The following ABCA10 variants were observed in gnomAD, a reference collection of about 807,000 sequenced individuals.
ABCA10 encodes ATP-binding cassette sub-family A member 10.
A neutral mutation model predicts 187.5 loss-of-function variants in ABCA10; 169 were observed. The ratio of observed to expected loss-of-function variants is 0.90; its 90% CI spans 0.80 to 1.02. The LOEUF is 1.02. ABCA10 is among the 50% of genes least tolerant of loss of function. The pLI is 0.00. For missense variants in ABCA10, 1,727 were observed against 1,812.4 expected, an observed-to-expected ratio of 0.95 and a Z score of 0.86; for synonymous variants, 574 against 601.8, an observed-to-expected ratio of 0.95 and a Z score of 0.68.
chr17:69,193,499 A>C lies in ABCA10; in HGVS notation c.1635T>G (p.Asp545Glu). The C allele has an allele frequency of 6.2e-7, 1 of 1,610,932 alleles. No individual in the cohort carries two copies. The highest frequency in any genetic ancestry group is 1.1e-5 in the South Asian group (1 of 89,992). The change falls in exon 14 of 39, where the codon GAT becomes GAG. Residue 545 changes from aspartate (D) to glutamate (E), a missense_variant. Physicochemically the swap from Asp to Glu is conservative, Grantham distance 45 (BLOSUM62 2). Transcript: ENST00000690296. ...KLTLGIAILG[D>E]PQVLLLDEPT... ...AATATATTTTTTCTCTCACCTGAGGATCTCCTAAGATGGCAATCCCTAGTG... is the reference window on the plus strand; with the variant it reads ...AATATATTTTTTCTCTCACCTGAGGCTCTCCTAAGATGGCAATCCCTAGTG...
At chr17:69,229,620 T>A (rs2074817585), upstream of ABCA10, among the ~76,000 whole-genome samples, 1 of 151,910 alleles carries the variant, frequency 6.6e-6, no homozygotes, top group Non-Finnish European at 1.5e-5. Flanking sequence ...GGTAAAGGAC[T>A]CAGAGACTCT....
chr17:69,216,191 G>A (rs1568072270), intron 7 of ABCA10, 26 bp downstream of exon 7: 1 of 1,597,860 alleles, frequency 6.3e-7, no homozygotes, highest in Admixed American at 1.7e-5. Flanking sequence ...AACAGGTTAA[G>A]AGGTAATATG....
chr17:69,197,132 G>C lies in ABCA10; in HGVS notation c.1176-10C>G. The C allele has an allele frequency of 6.4e-7, 1 of 1,571,134 alleles. No individual in the cohort carries two copies. The highest frequency in any genetic ancestry group is 8.7e-7 in the Non-Finnish European group (1 of 1,144,628). On this transcript the variant is annotated splice_polypyrimidine_tract_variant and intron_variant, in intron 10 of 38. Transcript: ENST00000690296. ...TATAACATTTCTGATTCTGAAAGAA[G>C]ATGAAGTAATTTTCATGTAAATGCA...
At chr17:69,182,512 T>C (rs1170781618) in intron 21 of ABCA10, among the ~76,000 whole-genome samples, 163 bp downstream of exon 21, 1 of 152,106 alleles carries the variant, frequency 6.6e-6, no homozygotes, top group African/African-American at 2.4e-5. Flanking sequence ...CATGAAAAGA[T>C]GTCAAATATT....
chr17:69,207,944 GTATA>G (rs2074603908), intron 9 of ABCA10, among the ~76,000 whole-genome samples: 1 of 152,154 alleles, frequency 6.6e-6, no homozygotes, highest in Non-Finnish European at 1.5e-5. Context: ...CAAAGAATAA[GTATA>G]TGAGGTAATG....
chr17:69,176,655 TG>T (rs1165603601), intron 22 of ABCA10, among the ~76,000 whole-genome samples: 1 of 152,160 alleles, frequency 6.6e-6, no homozygotes, highest in Non-Finnish European at 1.5e-5. Flanking sequence ...TTACCCATGT[TG>T]TTGATCCTGT....
At chr17:69,210,107 T>TATTATTATC (rs201639409) in intron 9 of ABCA10, among the ~76,000 whole-genome samples, 1 of 149,306 alleles carries the variant, frequency 6.7e-6, no homozygotes, top group African/African-American at 2.5e-5. Context: ...TTATTATTAT[T>TATTATTATC]TCAATAGTTT....
Position 69,210,790 on chromosome 17 carries a change from G to GTA in ABCA10, c.1006+3912_1006+3913dup, listed in dbSNP as rs763926623. Reference sequence around the variant, plus strand: ...ATGAGTAGTATTTCATTATATATATGTATATATATACAATGGCATATATAT... The same window carrying GTA: ...ATGAGTAGTATTTCATTATATATATGTATATATATATACAATGGCATATATAT... On this transcript the variant is annotated intron_variant, in intron 9 of 38. Coordinates refer to ENST00000690296, the MANE Select transcript of ABCA10 (RefSeq NM_001377321.1). 1.8e-3 allele frequency among the ~76,000 whole-genome samples: 250 copies of GTA among 140,196 alleles called. 2 individuals are homozygous for GTA. Among genetic ancestry groups the GTA allele is most frequent in the Admixed American group, 4.0e-3 (55 of 13,732 alleles). The allele number at this position is 140,196 out of a possible 152,430, so 92.0% of individuals were successfully genotyped here. A position where few individuals can be genotyped will look rare whatever the true frequency, so the allele number is the denominator to read the frequency against.
intron 35 of ABCA10, 72 bp from the exon 36 acceptor site, chr17:69,152,255 T>G (rs2074135082): frequency 6.4e-7 from 1 of 1,571,464 alleles, no homozygotes; most frequent in African/African-American, 1.4e-5. Flanking sequence ...TAGAGGAAGG[T>G]GTTTAATTAC....
intron 11 of ABCA10, among the ~76,000 whole-genome samples, chr17:69,195,625 T>C (rs1475304097): frequency 7.3e-6 from 1 of 136,874 alleles, no homozygotes; most frequent in Non-Finnish European, 1.5e-5. Flanking sequence ...TTTGGCAGGG[T>C]CATAGGACAA....
intron 9 of ABCA10, among the ~76,000 whole-genome samples, chr17:69,207,766 G>A (rs138700069): frequency 6.6e-6 from 1 of 152,290 alleles, no homozygotes; most frequent in East Asian, 1.9e-4. Flanking sequence ...GGTGGAGAGA[G>A]AGCAGGGATT....
intron 11 of ABCA10, among the ~76,000 whole-genome samples, chr17:69,195,411 T>C (rs2074490610): frequency 6.6e-6 from 1 of 151,800 alleles, no homozygotes; most frequent in South Asian, 2.1e-4. Context: ...AATATATTAT[T>C]GGTAATTATC....
chr17:69,221,493 A>G (rs750703224), intron 5 of ABCA10, among the ~76,000 whole-genome samples: 5 of 152,234 alleles, frequency 3.3e-5, no homozygotes, highest in Non-Finnish European at 1.5e-5. Context: ...GACAAAAACA[A>G]AAGTCCATAG....
At chr17:69,163,677 TCG>T (rs766495355) in intron 27 of ABCA10, among the ~76,000 whole-genome samples, 2 of 152,212 alleles carry the variant, frequency 1.3e-5, no homozygotes, top group Non-Finnish European at 2.9e-5. Flanking sequence ...ACATTTATAT[TCG>T]CTTTCATTGT....
chr17:69,164,208 T>C, intron 26 of ABCA10, 54 bp from the exon 27 acceptor site: 1 of 1,444,604 alleles, frequency 6.9e-7, no homozygotes. Flanking sequence ...AATATAAAAT[T>C]TACACATTAA....
At chr17:69,177,723 G>C (rs1274864773) in intron 22 of ABCA10, among the ~76,000 whole-genome samples, 1 of 151,750 alleles carries the variant, frequency 6.6e-6, no homozygotes. Flanking sequence ...AGAGGCTGAG[G>C]CGGGTGGATC....
chr17:69,186,787 C>T lies in ABCA10; in HGVS notation c.2330+894G>A, dbSNP rs575223928. On this transcript the variant is annotated intron_variant, in intron 19 of 38. Transcript: ENST00000690296. ...TCATCCCTCCCTATCCCCTTTTCTA[C>T]TCTAGTTTGTATAACCTGGCATATA... is the stretch of plus-strand genomic sequence containing the variant. 2.0e-5 allele frequency among the ~76,000 whole-genome samples: 3 copies of T among 152,270 alleles called. No individual in the cohort carries two copies. The South Asian group carries it at 6.2e-4, about 32-fold the overall frequency.
chr17:69,155,662 A>T, intron 29 of ABCA10, 143 bp downstream of exon 29: 1 of 1,136,168 alleles, frequency 8.8e-7, no homozygotes, highest in Non-Finnish European at 1.2e-6. Flanking sequence ...AGTTACTTTT[A>T]AAGAGAATAA....
intron 25 of ABCA10, among the ~76,000 whole-genome samples, chr17:69,169,157 A>C: frequency 6.6e-6 from 1 of 152,222 alleles, no homozygotes; most frequent in Non-Finnish European, 1.5e-5. Context: ...ATGTTTAAAT[A>C]ACTGAACCTC....
Sources: gnomAD v4.1 joint callset for allele counts (sites outside exome capture counted in the v4.1 genomes callset) on GRCh38, gnomAD v4.1.1 for gene constraint, MANE v1.5 for transcripts, NCBI Gene and HGNC (gene_info 2026-07-23, HGNC 2026-07-21) for gene names.